The following OR52N4 variants were observed in gnomAD, a reference collection of about 807,000 sequenced individuals.
OR52N4 encodes the protein olfactory receptor 52N4.
Under a neutral mutation model 15.0 loss-of-function variants are expected in OR52N4, and 15 were observed. The ratio of observed to expected loss-of-function variants is 1.00; its 90% CI spans 0.67 to 1.54. The LOEUF (loss-of-function observed/expected upper bound fraction) is 1.54. Among genes scored for constraint, OR52N4 ranks in the 40% most tolerant of loss-of-function variants. The pLI is 0.00. For synonymous variants in OR52N4, 143 were observed against 143.7 expected, an observed-to-expected ratio of 1.00 and a Z score of 0.03; for missense variants, 421 against 394.0, an observed-to-expected ratio of 1.07 and a Z score of -0.58.
chr11:5,754,792 G>A lies in OR52N4; in HGVS notation c.52G>A (p.Gly18Arg). 6.8e-6 allele frequency: 11 copies of A among 1,613,338 alleles called. No individual in the cohort carries two copies. The highest frequency in any genetic ancestry group is 1.3e-5 in the African/African-American group (1 of 74,938). The change falls in exon 2 of 2, where the codon GGA (glycine) becomes AGA (arginine). Residue 18 changes from glycine (G) to arginine (R), a missense_variant. Transcript: ENST00000641350. ...DLIPASFILN[G>R]VPGLEDTQLW... Reference sequence around the variant, plus strand: ...AATACCAGCTTCATTTATTCTGAATGGAGTCCCAGGACTGGAAGACACACA... The same window carrying A: ...AATACCAGCTTCATTTATTCTGAATAGAGTCCCAGGACTGGAAGACACACA...
the OR52N4 span, among the ~76,000 whole-genome samples, chr11:5,730,251 G>C: frequency 6.8e-6 from 1 of 146,342 alleles, no homozygotes; most frequent in East Asian, 2.0e-4. Flanking sequence ...GAGTGCAGTG[G>C]CACAATCTCA....
At chr11:5,729,516 C>T in the OR52N4 span, among the ~76,000 whole-genome samples, 3 of 152,176 alleles carry the variant, frequency 2.0e-5, no homozygotes, top group Non-Finnish European at 4.4e-5. Flanking sequence ...GACCATTTTT[C>T]TAGCACAGAA....
the OR52N4 span, among the ~76,000 whole-genome samples, chr11:5,748,355 T>A: frequency 6.6e-6 from 1 of 151,686 alleles, no homozygotes; most frequent in Non-Finnish European, 1.5e-5. Context: ...ATTATTTTTA[T>A]TTTCATAAAA....
At chr11:5,748,899 G>A in the OR52N4 span, among the ~76,000 whole-genome samples, 1 of 151,662 alleles carries the variant, frequency 6.6e-6, no homozygotes, top group Non-Finnish European at 1.5e-5. Context: ...CACACATATG[G>A]GATTATTTGC....
chr11:5,755,270 C>G lies in OR52N4; in HGVS notation c.530C>G (p.Pro177Arg). ...CCCTACTGCAGAGGCAATATACTTC[C>G]CCATACCTACTGTGACCACATGTCT... ...LLPYCRGNIL[P>R]HTYCDHMSVA... The change falls in exon 2 of 2, where the codon CCC becomes CGC. Residue 177 changes from proline to arginine, a missense_variant. By Grantham distance (103) the Pro-to-Arg change is moderately radical. Coordinates refer to ENST00000641350, the MANE Select transcript of OR52N4 (RefSeq NM_001005175.5). 6.2e-7 allele frequency: 1 copy of G among 1,614,044 alleles called. No homozygotes were observed. Among genetic ancestry groups the G allele is most frequent in the Non-Finnish European group, 8.5e-7 (1 of 1,179,976 alleles).
At chr11:5,742,510 A>T in the OR52N4 span, among the ~76,000 whole-genome samples, 1 of 152,198 alleles carries the variant, frequency 6.6e-6, no homozygotes, top group Non-Finnish European at 1.5e-5. Context: ...ACCTCGTCAG[A>T]GTAACAAAGT....
chr11:5,739,150 C>CT, the OR52N4 span, among the ~76,000 whole-genome samples: 17 of 121,280 alleles, frequency 1.4e-4, 4 homozygotes, highest in East Asian at 2.9e-3. Flanking sequence ...CATAAGACTA[C>CT]TTTTTTTTTT....
the OR52N4 span, among the ~76,000 whole-genome samples, chr11:5,746,326 G>A: frequency 6.6e-6 from 1 of 152,116 alleles, no homozygotes; most frequent in African/African-American, 2.4e-5. Context: ...AAAAGCTTCT[G>A]CAAAGCAAAA....
In OR52N4 at chr11:5,755,022, T is replaced by G; in HGVS notation, c.282T>G (p.Ile94Met). The G allele has an allele frequency of 6.2e-7, 1 of 1,613,994 alleles. No individual in the cohort carries two copies. The highest frequency in any genetic ancestry group is 8.5e-7 in the Non-Finnish European group (1 of 1,179,944). ...TCTTCTGGTTTCATCTCAAGGACAT[T>G]GGATTTGATGAATGCCTTGTCCAGA... ...LCIFWFHLKD[I>M]GFDECLVQMF... Residue 94 changes from isoleucine to methionine, a missense_variant, in exon 2 of 2, where the codon ATT becomes ATG. Ile to Met is a conservative substitution (Grantham distance 10). Coordinates refer to ENST00000641350, the MANE Select transcript of OR52N4 (RefSeq NM_001005175.5).
the OR52N4 span, among the ~76,000 whole-genome samples, chr11:5,728,180 C>T: frequency 6.6e-6 from 1 of 152,212 alleles, no homozygotes; most frequent in Admixed American, 6.5e-5. Context: ...TATCATCCCT[C>T]ACAAGCAGTT....
the OR52N4 span, chr11:5,734,212 T>C: frequency 4.4e-6 from 2 of 456,020 alleles, no homozygotes; most frequent in Non-Finnish European, 8.8e-6. Context: ...GATCCCAGAC[T>C]GTGAGTCTGT....
At chr11:5,742,203 C>G in the OR52N4 span, among the ~76,000 whole-genome samples, 1 of 151,812 alleles carries the variant, frequency 6.6e-6, no homozygotes, top group Non-Finnish European at 1.5e-5. Flanking sequence ...ATGAACAAAG[C>G]CTTTGAGAAA....
chr11:5,730,282 C>G, the OR52N4 span, among the ~76,000 whole-genome samples: 1 of 151,088 alleles, frequency 6.6e-6, no homozygotes, highest in African/African-American at 2.4e-5. Context: ...AGCTCTGCCT[C>G]CCGGGTTCAT....
upstream of OR52N4, among the ~76,000 whole-genome samples, chr11:5,753,444 G>T (rs141811947): frequency 3.5e-3 from 539 of 152,164 alleles, 15 homozygotes; most frequent in Admixed American, 0.031. Flanking sequence ...CTTTTGAAGT[G>T]TATGTTTCTT....
the OR52N4 span, chr11:5,736,657 A>T: frequency 6.2e-7 from 1 of 1,613,970 alleles, no homozygotes; most frequent in African/African-American, 1.3e-5. Flanking sequence ...ATCTCTCAGC[A>T]CTTGCTGCAA....
chr11:5,728,212 A>G, the OR52N4 span, among the ~76,000 whole-genome samples: 1 of 152,202 alleles, frequency 6.6e-6, no homozygotes, highest in African/African-American at 2.4e-5. Context: ...TTGTACATAC[A>G]TACAATGGGA....
At chr11:5,748,895 T>C in the OR52N4 span, among the ~76,000 whole-genome samples, 4,268 of 152,064 alleles carry the variant, frequency 0.028, 92 homozygotes, top group Non-Finnish European at 0.045. Flanking sequence ...AACACACACA[T>C]ATGGGATTAT....
the OR52N4 span, among the ~76,000 whole-genome samples, chr11:5,738,880 A>AG: frequency 3.1e-5 from 2 of 64,716 alleles, 1 homozygote; most frequent in Non-Finnish European, 7.3e-5. Context: ...GCTCAGATTA[A>AG]TGCCATTAAA....
At chr11:5,752,656 C>A (rs1854213685), upstream of OR52N4, among the ~76,000 whole-genome samples, 1 of 152,126 alleles carries the variant, frequency 6.6e-6, no homozygotes, top group Non-Finnish European at 1.5e-5. Context: ...ATTATAAATT[C>A]TAACATACAT....
Sources: gnomAD v4.1 joint callset for allele counts (sites outside exome capture counted in the v4.1 genomes callset) on GRCh38, gnomAD v4.1.1 for gene constraint, MANE v1.5 for transcripts, NCBI Gene and HGNC (gene_info 2026-07-23, HGNC 2026-07-21) for gene names.